Variants in DACH1 observed in about 807,000 individuals in gnomAD.
DACH1 encodes dachshund homolog 1.
A neutral mutation model predicts 54.2 loss-of-function variants in DACH1; 12 were observed. The ratio of observed to expected loss-of-function variants is 0.22; its 90% CI spans 0.14 to 0.36. The LOEUF (loss-of-function observed/expected upper bound fraction) is 0.36, where lower values mean the gene tolerates loss of function less well. Among genes scored for constraint, DACH1 ranks in the 10% least tolerant of loss-of-function variants. The probability of loss-of-function intolerance (pLI) is 1.00; values close to 1 mark genes in which losing one functional copy is unlikely to be tolerated. For synonymous variants in DACH1, 386 were observed against 366.2 expected (o/e 1.05, Z -0.62); for missense variants, 805 against 929.8 (o/e 0.87, Z 1.75).
chr13:71,723,267 A>C (rs2137890066), intron 1 of DACH1, among the ~76,000 whole-genome samples: 1 of 150,816 alleles, frequency 6.6e-6, no homozygotes, highest in Middle Eastern at 3.4e-3. Context: ...AAAAAAAATT[A>C]GTCCAGCGTG....
chr13:71,754,169 T>A (rs1425503363), intron 1 of DACH1, among the ~76,000 whole-genome samples: 1 of 152,168 alleles, frequency 6.6e-6, no homozygotes, highest in Non-Finnish European at 1.5e-5. Context: ...TTCCAGACTG[T>A]TCTATTAGTG....
intron 1 of DACH1, among the ~76,000 whole-genome samples, chr13:71,844,702 CTA>C (rs1206415592): frequency 1.3e-5 from 2 of 152,016 alleles, no homozygotes; most frequent in Non-Finnish European, 2.9e-5. Flanking sequence ...ATCACTTCCC[CTA>C]TATAATAACT....
At position 71,567,611 on chromosome 13, in the gene DACH1, T is replaced by C. The variant is rs576456632; in HGVS notation, c.1299+5229A>G. On this transcript the variant is annotated intron_variant, in intron 4 of 10. Transcript: ENST00000613252. Reference sequence around the variant, plus strand: ...TAATGAGAAGAAAATAATGTTGGTATATAAAGACTTCCAAAGATTAAATAA... The same window carrying C: ...TAATGAGAAGAAAATAATGTTGGTACATAAAGACTTCCAAAGATTAAATAA... Among the ~76,000 whole-genome samples the C allele has an allele frequency of 1.2e-4, 18 of 152,162 alleles. No individual in the cohort carries two copies. In the South Asian group the frequency reaches 3.7e-3, roughly 32 times the overall value.
intron 6 of DACH1, among the ~76,000 whole-genome samples, chr13:71,515,797 T>G (rs1200521717): frequency 6.6e-6 from 1 of 151,916 alleles, no homozygotes; most frequent in African/African-American, 2.4e-5. Flanking sequence ...TGACATCATA[T>G]CCTATCCATC....
At chr13:71,703,231 G>A (rs1325049923) in intron 1 of DACH1, among the ~76,000 whole-genome samples, 1 of 152,156 alleles carries the variant, frequency 6.6e-6, no homozygotes, top group Non-Finnish European at 1.5e-5. Context: ...TAGGCAGAAT[G>A]AGAATAACAC....
intron 1 of DACH1, among the ~76,000 whole-genome samples, chr13:71,758,666 A>G (rs2138000697): frequency 6.6e-6 from 1 of 152,358 alleles, no homozygotes; most frequent in East Asian, 1.9e-4. Flanking sequence ...AGGATGATAC[A>G]TCTGAACACA....
chr13:71,580,653 T>G (rs1444026538), intron 3 of DACH1, among the ~76,000 whole-genome samples: 1 of 152,228 alleles, frequency 6.6e-6, no homozygotes, highest in Non-Finnish European at 1.5e-5. Flanking sequence ...TGGTATGTTT[T>G]GGCAATTGTC....
At chr13:71,617,472 C>T (rs1875869097) in intron 3 of DACH1, among the ~76,000 whole-genome samples, 1 of 152,090 alleles carries the variant, frequency 6.6e-6, no homozygotes, top group Middle Eastern at 3.2e-3. Flanking sequence ...CTCCAGATTC[C>T]TGGAGGAATA....
chr13:71,481,285 G>A (rs1366423979), intron 7 of DACH1, among the ~76,000 whole-genome samples: 1 of 152,132 alleles, frequency 6.6e-6, no homozygotes, highest in African/African-American at 2.4e-5. Flanking sequence ...ATCAGTAGCT[G>A]TTTAAAATAA....
chr13:71,490,851 C>T (rs1332553021), intron 6 of DACH1, among the ~76,000 whole-genome samples: 1 of 152,172 alleles, frequency 6.6e-6, no homozygotes, highest in Non-Finnish European at 1.5e-5. Context: ...ATCACCTTAG[C>T]TGTCACATGC....
intron 2 of DACH1, among the ~76,000 whole-genome samples, chr13:71,680,341 C>T (rs995607429): frequency 6.6e-6 from 1 of 152,226 alleles, no homozygotes; most frequent in South Asian, 2.1e-4. Flanking sequence ...GTGGCTCATG[C>T]CCGTAATCCA....
intron 1 of DACH1, among the ~76,000 whole-genome samples, 186 bp downstream of exon 1, chr13:71,865,736 G>A (rs1021229297): frequency 6.6e-6 from 1 of 152,120 alleles, no homozygotes; most frequent in Non-Finnish European, 1.5e-5. Flanking sequence ...GGCAGGGTGA[G>A]GTGCCAACTT....
At chr13:71,490,494 T>A (rs1342395710) in intron 6 of DACH1, among the ~76,000 whole-genome samples, 2 of 152,324 alleles carry the variant, frequency 1.3e-5, no homozygotes, top group East Asian at 3.9e-4. Context: ...GACTTTGCAG[T>A]TTCTCCTTCT....
intron 1 of DACH1, among the ~76,000 whole-genome samples, chr13:71,716,759 G>A (rs1882989586): frequency 6.6e-6 from 1 of 152,094 alleles, no homozygotes; most frequent in South Asian, 2.1e-4. Context: ...CTGGTAATAA[G>A]GATAAAAGTA....
chr13:71,542,830 C>T (rs1883222552), intron 6 of DACH1, among the ~76,000 whole-genome samples: 1 of 152,094 alleles, frequency 6.6e-6, no homozygotes, highest in African/African-American at 2.4e-5. Context: ...TATAAGGAAG[C>T]TGAGAACTTT....
intron 3 of DACH1, among the ~76,000 whole-genome samples, chr13:71,629,503 C>A (rs1377011446): frequency 2.0e-5 from 3 of 152,072 alleles, no homozygotes; most frequent in Admixed American, 6.6e-5. Flanking sequence ...ATATTTTACT[C>A]TAATATTCAT....
chr13:71,798,202 C>T (rs1040949220), intron 1 of DACH1, among the ~76,000 whole-genome samples: 1 of 151,554 alleles, frequency 6.6e-6, no homozygotes. Flanking sequence ...CATAAGCAGA[C>T]TTAAATGACT....
intron 6 of DACH1, among the ~76,000 whole-genome samples, chr13:71,509,414 G>A (rs144674913): frequency 6.6e-6 from 1 of 152,222 alleles, no homozygotes; most frequent in African/African-American, 2.4e-5. Context: ...AATTAGGAAT[G>A]AGACTAATAG....
intron 7 of DACH1, among the ~76,000 whole-genome samples, chr13:71,480,774 T>C (rs181126200): frequency 6.6e-6 from 1 of 152,304 alleles, no homozygotes; most frequent in Admixed American, 6.5e-5. Context: ...AATAGACAGA[T>C]AGTTTTACTT....
Sources: gnomAD v4.1 joint callset for allele counts (sites outside exome capture counted in the v4.1 genomes callset) on GRCh38, gnomAD v4.1.1 for gene constraint, MANE v1.5 for transcripts, NCBI Gene and HGNC (gene_info 2026-07-23, HGNC 2026-07-21) for gene names.